Variants in PROS1 observed in about 807,000 individuals in gnomAD.
PROS1 encodes protein S.
In PROS1, 29 loss-of-function variants were observed where a neutral mutation model predicts 75.9. The ratio of observed to expected loss-of-function variants is 0.38; its 90% CI spans 0.28 to 0.52. The LOEUF is 0.52. Among genes scored for constraint, PROS1 ranks in the 20% least tolerant of loss-of-function variants. The pLI is 0.83. For synonymous variants in PROS1, 245 were observed against 280.6 expected (o/e 0.87, Z 1.27); for missense variants, 680 against 810.3 (o/e 0.84, Z 1.95).
chr3:93,941,942 C>T (rs1709294398), intron 1 of PROS1, among the ~76,000 whole-genome samples: 2 of 152,126 alleles, frequency 1.3e-5, no homozygotes, highest in Non-Finnish European at 2.9e-5. Flanking sequence ...TGTTGAGTCT[C>T]CCACAATTAC....
intron 1 of PROS1, among the ~76,000 whole-genome samples, chr3:93,945,509 G>A (rs1198122477): frequency 6.6e-6 from 1 of 152,154 alleles, no homozygotes; most frequent in Non-Finnish European, 1.5e-5. Context: ...TTCAACATAT[G>A]TAAATCAATA....
intron 1 of PROS1, among the ~76,000 whole-genome samples, chr3:93,949,626 A>G (rs572894573): frequency 3.4e-4 from 52 of 152,320 alleles, no homozygotes; most frequent in African/African-American, 1.0e-3. Context: ...TCTACTAAAA[A>G]AATAAACTAA....
intron 1 of PROS1, among the ~76,000 whole-genome samples, chr3:93,954,706 A>G (rs556644893): frequency 5.9e-5 from 9 of 152,232 alleles, no homozygotes; most frequent in African/African-American, 2.2e-4. Flanking sequence ...CAATGGCAAC[A>G]AAAGCCAAAA....
Position 93,877,007 on chromosome 3 carries a change from G to A in PROS1, c.1829C>T (p.Ala610Val). ...LQRQLAVLDKAMKAKVATYLG... is the reference protein window; with the variant it reads ...LQRQLAVLDKVMKAKVATYLG... ...GTATGTGGCCACTTTTGCTTTCATT[G>A]CTTTGTCCAAGACGGCAAGTTGTCT... The change falls in exon 14 of 15, where the codon GCA becomes GTA. Residue 610 changes from alanine to valine, a missense_variant. By Grantham distance (64) the Ala-to-Val change is moderately conservative (BLOSUM62 0). Coordinates refer to ENST00000394236, the MANE Select transcript of PROS1 (RefSeq NM_000313.4). The A allele has an allele frequency of 6.2e-7, 1 of 1,613,212 alleles. No homozygotes were observed. Among genetic ancestry groups the A allele is most frequent in the Non-Finnish European group, 8.5e-7 (1 of 1,179,354 alleles).
intron 1 of PROS1, among the ~76,000 whole-genome samples, chr3:93,956,535 CACACACACACACACACACACACACACAA>C (rs201821371): frequency 0.26 from 26,365 of 102,190 alleles, 2,821 homozygotes; most frequent in Admixed American, 0.32. Flanking sequence ...TCTCTCTCTA[CACACACACACACACACACACACACACAA>C]ACACACACAC....
At chr3:93,943,928 C>A (rs928285062) in intron 1 of PROS1, among the ~76,000 whole-genome samples, 3 of 152,138 alleles carry the variant, frequency 2.0e-5, no homozygotes, top group African/African-American at 7.2e-5. Flanking sequence ...CACTACCTAC[C>A]CAAATCCTAT....
rs774481269 is a variant in PROS1 at position 93,896,621 on chromosome 3, G to A, written c.920C>T (p.Ala307Val). The A allele has an allele frequency of 6.2e-7, 1 of 1,613,726 alleles. No individual in the cohort carries two copies. The change falls in exon 9 of 15, where the codon GCA (alanine) becomes GTA (valine). Residue 307 changes from alanine (A) to valine (V), a missense_variant. Physicochemically the swap from Ala to Val is moderately conservative, Grantham distance 64 (BLOSUM62 0). Coordinates refer to ENST00000394236, the MANE Select transcript of PROS1 (RefSeq NM_000313.4). ...YELLYLAEQF[A>V]GVVLYLKFRL... ...AAATTTTAAATATAAAACAACCCCTGCAAACTGCTCCGCCAAGTAAAGTAA... is the reference window on the plus strand; with the variant it reads ...AAATTTTAAATATAAAACAACCCCTACAAACTGCTCCGCCAAGTAAAGTAA...
chr3:93,884,974 AAG>A (rs1559929679), intron 11 of PROS1, 78 bp from the exon 12 acceptor site: 7 of 1,213,190 alleles, frequency 5.8e-6, no homozygotes, highest in Non-Finnish European at 8.1e-6. Context: ...GGTTTTCATT[AAG>A]AGAAAAAAAA....
At chr3:93,936,575 G>T (rs1576203494) in intron 1 of PROS1, among the ~76,000 whole-genome samples, 1 of 152,238 alleles carries the variant, frequency 6.6e-6, no homozygotes, top group African/African-American at 2.4e-5. Flanking sequence ...CCAGCGAGAA[G>T]GCAGCCATTT....
intron 1 of PROS1, among the ~76,000 whole-genome samples, chr3:93,962,925 C>T (rs541496646): frequency 7.5e-4 from 114 of 152,356 alleles, no homozygotes; most frequent in African/African-American, 2.7e-3. Context: ...CTATTTACCA[C>T]AGGAGTCGAA....
At chr3:93,940,357 G>A (rs1398628924) in intron 1 of PROS1, among the ~76,000 whole-genome samples, 1 of 152,118 alleles carries the variant, frequency 6.6e-6, no homozygotes, top group African/African-American at 2.4e-5. Flanking sequence ...CTTACATTGA[G>A]AGGTACATCT....
chr3:93,899,969 A>C (rs1708562188), intron 7 of PROS1, among the ~76,000 whole-genome samples: 1 of 152,190 alleles, frequency 6.6e-6, no homozygotes. Flanking sequence ...TCTATTTTTT[A>C]AAAGGTACAT....
intron 1 of PROS1, among the ~76,000 whole-genome samples, chr3:93,944,652 A>G (rs1709350235): frequency 6.6e-6 from 1 of 152,250 alleles, no homozygotes; most frequent in African/African-American, 2.4e-5. Flanking sequence ...ACACATTTAA[A>G]GCAGTATATT....
At chr3:93,960,108 C>A (rs543612580) in intron 1 of PROS1, among the ~76,000 whole-genome samples, 1 of 151,500 alleles carries the variant, frequency 6.6e-6, no homozygotes, top group East Asian at 1.9e-4. Flanking sequence ...GACATAGTGC[C>A]GAAGAAATAT....
At chr3:93,923,927 A>G (rs146438245) in intron 3 of PROS1, among the ~76,000 whole-genome samples, 2 of 151,910 alleles carry the variant, frequency 1.3e-5, no homozygotes, top group African/African-American at 4.8e-5. Flanking sequence ...CAGTTAACCC[A>G]TGAAAACGCA....
At chr3:93,897,863 A>G (rs1308397089) in intron 8 of PROS1, among the ~76,000 whole-genome samples, 1 of 152,106 alleles carries the variant, frequency 6.6e-6, no homozygotes, top group Non-Finnish European at 1.5e-5. Context: ...TCAATTATGC[A>G]TTAAATCTAA....
chr3:93,929,341 T>TA (rs1245677268), intron 1 of PROS1, among the ~76,000 whole-genome samples: 2 of 151,918 alleles, frequency 1.3e-5, no homozygotes, highest in African/African-American at 2.4e-5. Flanking sequence ...TGTCCAGGTG[T>TA]AGTGGTGCAC....
chr3:93,959,187 A>G (rs1404624990), intron 1 of PROS1, among the ~76,000 whole-genome samples: 1 of 152,110 alleles, frequency 6.6e-6, no homozygotes, highest in Non-Finnish European at 1.5e-5. Context: ...TGGTAGCTCA[A>G]GCCTGTAGTC....
intron 1 of PROS1, among the ~76,000 whole-genome samples, chr3:93,971,917 A>C (rs1436517373): frequency 2.0e-5 from 3 of 152,222 alleles, no homozygotes; most frequent in Non-Finnish European, 4.4e-5. Context: ...CCAATTAAGC[A>C]ATCAAAAACT....
Sources: gnomAD v4.1 joint callset for allele counts (sites outside exome capture counted in the v4.1 genomes callset) on GRCh38, gnomAD v4.1.1 for gene constraint, MANE v1.5 for transcripts, NCBI Gene and HGNC (gene_info 2026-07-23, HGNC 2026-07-21) for gene names.